ATXN1: variants seen among roughly 807,000 people sequenced by gnomAD.
ATXN1 encodes the protein ataxin 1, also known as ataxin-1.
ATXN1 carries 8 observed loss-of-function variants against 56.4 expected under a neutral mutation model. The observed-to-expected ratio is 0.14, with a 90% CI of 0.08 to 0.26. The LOEUF (loss-of-function observed/expected upper bound fraction) is 0.26, where lower values mean the gene tolerates loss of function less well. Ranked by LOEUF, ATXN1 falls within the 10% of genes least tolerant of loss-of-function variation. The pLI, the probability that ATXN1 is intolerant of heterozygous loss-of-function variation, is 1.00. For missense variants in ATXN1, 987 were observed against 1,106.5 expected (o/e 0.89, Z 1.53); for synonymous variants, 514 against 494.6 (o/e 1.04, Z -0.52).
chr6:16,494,217 T>C (rs1012815911), intron 5 of ATXN1, among the ~76,000 whole-genome samples: 1 of 152,056 alleles, frequency 6.6e-6, no homozygotes, highest in African/African-American at 2.4e-5. Flanking sequence ...GCGTGGGAGG[T>C]AGGCCAAAAC....
intron 6 of ATXN1, among the ~76,000 whole-genome samples, chr6:16,347,961 G>GT (rs1386891273): frequency 3.9e-5 from 6 of 152,286 alleles, no homozygotes; most frequent in East Asian, 1.9e-4. Context: ...ACACTCACCG[G>GT]AAAGGTCTGC....
intron 3 of ATXN1, among the ~76,000 whole-genome samples, chr6:16,623,286 T>G (rs1430098944): frequency 6.6e-6 from 1 of 152,234 alleles, no homozygotes; most frequent in Non-Finnish European, 1.5e-5. Context: ...AATACCTAAC[T>G]GTCTTTCTAA....
At chr6:16,504,542 T>G (rs1414127355) in intron 5 of ATXN1, among the ~76,000 whole-genome samples, 1 of 152,210 alleles carries the variant, frequency 6.6e-6, no homozygotes, top group African/African-American at 2.4e-5. Context: ...ATCTATTTCA[T>G]ATTTGCACAG....
At chr6:16,412,244 C>T (rs745655787) in intron 6 of ATXN1, among the ~76,000 whole-genome samples, 3 of 152,118 alleles carry the variant, frequency 2.0e-5, no homozygotes, top group Non-Finnish European at 2.9e-5. Flanking sequence ...AACTTTCACC[C>T]GGAAACTCAA....
chr6:16,575,032 A>G (rs1315981649), intron 4 of ATXN1, among the ~76,000 whole-genome samples: 1 of 151,976 alleles, frequency 6.6e-6, no homozygotes, highest in African/African-American at 2.4e-5. Flanking sequence ...ATGCCTTTTC[A>G]GGGAGGATAT....
rs757472452 is a variant in ATXN1, at chr6:16,327,669, C to CTGATGCTGA, written c.641_642insTCAGCATCA (p.Gln213_Gln214insHisGlnHis). 4.6e-6 allele frequency: 7 copies of CTGATGCTGA among 1,505,560 alleles called. No homozygotes were observed. In the African/African-American group the frequency reaches 1.2e-4, roughly 25 times the overall value. 93.3% of individuals were successfully genotyped at this position (1,505,560 alleles called of 1,614,324 possible). On this transcript the variant is annotated inframe_insertion, in exon 7 of 8. Transcript: ENST00000436367. Reference sequence around the variant, plus strand: ...GCTGCTGCTGCTGCTGCTGCTGCTGCTGCTGCTGATGCTGATGCTGCTGCT... The same window carrying CTGATGCTGA: ...GCTGCTGCTGCTGCTGCTGCTGCTGCTGATGCTGATGCTGCTGATGCTGATGCTGCTGCT...
At chr6:16,441,122 G>T (rs544254327) in intron 6 of ATXN1, among the ~76,000 whole-genome samples, 5 of 152,276 alleles carry the variant, frequency 3.3e-5, no homozygotes, top group African/African-American at 9.6e-5. Flanking sequence ...CCCTGGGAAG[G>T]TCTGAGGTGC....
chr6:16,329,411 A>AACAC (rs1209160726), intron 6 of ATXN1, among the ~76,000 whole-genome samples: 1 of 151,356 alleles, frequency 6.6e-6, no homozygotes, highest in African/African-American at 2.4e-5. Context: ...CACACACACA[A>AACAC]ACACACACAC....
At chr6:16,467,099 T>C (rs1459031796) in intron 6 of ATXN1, among the ~76,000 whole-genome samples, 3 of 152,032 alleles carry the variant, frequency 2.0e-5, no homozygotes, top group Admixed American at 1.3e-4. Context: ...CAAAAAGTAA[T>C]GGAAGGAGTA....
rs140709024 is a variant in ATXN1 at position 16,327,335 on chromosome 6, C to T, written c.976G>A (p.Gly326Ser). 2.5e-6 allele frequency: 4 copies of T among 1,613,346 alleles called. No homozygotes were observed. Among genetic ancestry groups the T allele is most frequent in the Non-Finnish European group, 2.5e-6 (3 of 1,179,994 alleles). Residue 326 changes from glycine (G) to serine (S), a missense_variant, in exon 7 of 8, where the codon GGT becomes AGT. Gly to Ser is a moderately conservative substitution (Grantham distance 56). Coordinates refer to ENST00000436367, the MANE Select transcript of ATXN1 (RefSeq NM_001128164.2). ...QAIQAKEVLN[G>S]EMEKSRRYGA... ...TACCGCCGGCTCTTCTCCATCTCAC[C>T]GTTCAGGACCTCCTTGGCCTGGATG...
rs765385537 is a variant in ATXN1 at position 16,306,854 on chromosome 6, G to A, written c.1923C>T (p.Ser641=). The A allele has an allele frequency of 3.1e-6, 5 of 1,602,194 alleles. No homozygotes were observed. The highest frequency in any genetic ancestry group is 3.4e-5 in the Admixed American group (2 of 58,794). The change falls in exon 8 of 8, where the codon AGC becomes AGT. Residue 641 remains serine (S), a synonymous_variant. Transcript: ENST00000436367. This position sits in a 1 kb window ranked among gnomAD's most constrained non-coding sequence, Gnocchi z 5.2. ...FAVGEHRAQV[S]VEVLVEYPFF... ...AAGGATACTCTACCAAAACTTCAAC[G>A]CTGACCTGTGGAAACAGGGAGAGAC... is the stretch of plus-strand genomic sequence containing the variant.
rs1554138052 is a variant in ATXN1, at chr6:16,327,678, A to ATGCTGC, written c.632_633insGCAGCA (p.Gln210_His211insGlnGln). 962 of 1,010,708 alleles carry ATGCTGC rather than the reference A, an allele frequency of 9.5e-4. 1 individual carries two copies. The African/African-American group carries it at 0.01, about 11-fold the overall frequency. The allele number at this position is 1,010,708 out of a possible 1,614,324, so 62.6% of individuals were successfully genotyped here. A position where few individuals can be genotyped will look rare whatever the true frequency, so the allele number is the denominator to read the frequency against. On this transcript the variant is annotated inframe_insertion, in exon 7 of 8. Coordinates refer to ENST00000436367, the MANE Select transcript of ATXN1 (RefSeq NM_001128164.2). Reference sequence around the variant, plus strand: ...GCTGCTGCTGCTGCTGCTGCTGCTGATGCTGATGCTGCTGCTGCTGCTGCT... The same window carrying ATGCTGC: ...GCTGCTGCTGCTGCTGCTGCTGCTGATGCTGCTGCTGATGCTGCTGCTGCTGCTGCT...
intron 3 of ATXN1, among the ~76,000 whole-genome samples, chr6:16,588,078 C>G (rs1372955068): frequency 2.0e-5 from 3 of 151,872 alleles, no homozygotes; most frequent in African/African-American, 7.3e-5. Flanking sequence ...ACCTACGTTT[C>G]CTAGCTCAGT....
intron 6 of ATXN1, among the ~76,000 whole-genome samples, chr6:16,341,177 A>G (rs1411830420): frequency 6.6e-6 from 1 of 152,184 alleles, no homozygotes; most frequent in Non-Finnish European, 1.5e-5. Context: ...TTTCCTCCAC[A>G]ATACAAAGGA....
chr6:16,753,398 AT>A (rs2113536663), intron 1 of ATXN1, 51 bp from the exon 2 acceptor site: 10 of 454,698 alleles, frequency 2.2e-5, no homozygotes, highest in South Asian at 1.4e-4. Context: ...GAAAAACAGA[AT>A]AGACTGCTTT....
chr6:16,309,351 T>C (rs1247918120), intron 7 of ATXN1, among the ~76,000 whole-genome samples: 4 of 151,972 alleles, frequency 2.6e-5, no homozygotes, highest in Non-Finnish European at 1.5e-5. Flanking sequence ...TCCAGTTGAA[T>C]AGACATGGAT....
rs112188181 is a variant in ATXN1 at position 16,328,626 on chromosome 6, A to G, written c.-160-156T>C. 0.017 allele frequency among the ~76,000 whole-genome samples: 2,521 copies of G among 152,200 alleles called. 66 individuals are homozygous for G. Among genetic ancestry groups the G allele is most frequent in the African/African-American group, 0.057 (2,377 of 41,514 alleles). On this transcript the variant is annotated intron_variant, in intron 6 of 7. Transcript: ENST00000436367. The surrounding 1 kb of genome is among the most constrained non-coding windows in gnomAD (Gnocchi z 6.2). ...CGGTGTGAACTCCCATAACCCAATC[A>G]TACCCCAAGCACTGAAGCAGAGAAA...
chr6:16,440,176 G>A (rs369696997), intron 6 of ATXN1, among the ~76,000 whole-genome samples: 1 of 151,718 alleles, frequency 6.6e-6, no homozygotes, highest in African/African-American at 2.4e-5. Context: ...GAACCCAGGA[G>A]TCTCCAGCCT....
intron 6 of ATXN1, among the ~76,000 whole-genome samples, chr6:16,389,545 C>A (rs1758310575): frequency 6.6e-6 from 1 of 152,158 alleles, no homozygotes; most frequent in African/African-American, 2.4e-5. Flanking sequence ...TGTAAGACTA[C>A]TGAATGAATG....
Sources: gnomAD v4.1 joint callset for allele counts (sites outside exome capture counted in the v4.1 genomes callset) on GRCh38, gnomAD v4.1.1 for gene constraint, Gnocchi (gnomAD v3.1) non-coding constraint, MANE v1.5 for transcripts, NCBI Gene and HGNC (gene_info 2026-07-23, HGNC 2026-07-21) for gene names.